The following KCTD8 variants were observed in gnomAD, a reference collection of about 807,000 sequenced individuals.
The protein encoded by KCTD8 is BTB/POZ domain-containing protein KCTD8.
KCTD8 carries 27 observed loss-of-function variants against 31.5 expected under a neutral mutation model. The ratio of observed to expected loss-of-function variants is 0.86; its 90% confidence interval spans 0.63 to 1.18. KCTD8 has a LOEUF of 1.18. Ranked by LOEUF, KCTD8 falls within the 50% of genes most tolerant of loss-of-function variation. The probability of loss-of-function intolerance (pLI) is 0.00; values close to 1 mark genes in which losing one functional copy is unlikely to be tolerated. For synonymous variants in KCTD8, 290 were observed against 280.0 expected (o/e 1.04, Z -0.36); for missense variants, 658 against 647.7 (o/e 1.02, Z -0.17).
intron 1 of KCTD8, among the ~76,000 whole-genome samples, chr4:44,261,224 G>C (rs1716151256): frequency 6.6e-6 from 1 of 151,922 alleles, no homozygotes. Context: ...AGGAGGAAGA[G>C]ATTTGGGAGG....
intron 1 of KCTD8, among the ~76,000 whole-genome samples, chr4:44,324,053 A>AC (rs200099790): frequency 0.056 from 8,144 of 144,966 alleles, 447 homozygotes; most frequent in Admixed American, 0.14. Context: ...TTAAAAAAAA[A>AC]AAAACAAAAC....
In KCTD8 at chr4:44,380,416, T is replaced by C. The variant is rs1273689112; in HGVS notation, c.961+67147A>G. Among the ~76,000 whole-genome samples the C allele has an allele frequency of 2.1e-5, 3 of 141,804 alleles. No individual in the cohort carries two copies. The East Asian group carries it at 6.1e-4, about 29-fold the overall frequency. The allele number at this position is 141,804 out of a possible 152,430, so 93.0% of individuals were successfully genotyped here. On this transcript the variant is annotated intron_variant, in intron 1 of 1. Transcript: ENST00000360029. ...CAATATTGGCAAGCGAGACTCCATC[T>C]CAAAAAAAAAAAAAAATCAGTATTG... is the stretch of plus-strand genomic sequence containing the variant.
rs1319312675 is a variant in KCTD8 at position 44,207,063 on chromosome 4, T to C, written c.962-31813A>G. ...ACCTAATACTTGGAGATGTCAAACG[T>C]CTTTGTTCTAACACTTGTGCTGTGA... On this transcript the variant is annotated intron_variant, in intron 1 of 1. Coordinates refer to ENST00000360029, the MANE Select transcript of KCTD8 (RefSeq NM_198353.3). 7.2e-5 allele frequency among the ~76,000 whole-genome samples: 11 copies of C among 152,206 alleles called. No homozygotes were observed. The East Asian group carries it at 1.9e-3, about 27-fold the overall frequency.
At chr4:44,443,735 A>G (rs778636198) in intron 1 of KCTD8, among the ~76,000 whole-genome samples, 7 of 150,542 alleles carry the variant, frequency 4.6e-5, no homozygotes, top group Non-Finnish European at 5.9e-5. Context: ...ATACATCAGC[A>G]CTATCTTTTC....
At chr4:44,428,081 G>C (rs951988589) in intron 1 of KCTD8, among the ~76,000 whole-genome samples, 3 of 151,574 alleles carry the variant, frequency 2.0e-5, no homozygotes, top group African/African-American at 7.3e-5. Flanking sequence ...AGACAGACCA[G>C]AGCACATGAA....
chr4:44,422,647 G>A (rs1470568665), intron 1 of KCTD8, among the ~76,000 whole-genome samples: 1 of 152,116 alleles, frequency 6.6e-6, no homozygotes, highest in Non-Finnish European at 1.5e-5. Context: ...GGTAGTTTCA[G>A]GGTATAGTAG....
intron 1 of KCTD8, among the ~76,000 whole-genome samples, chr4:44,323,882 C>G (rs1206715909): frequency 6.6e-6 from 1 of 151,688 alleles, no homozygotes; most frequent in East Asian, 1.9e-4. Flanking sequence ...CTCCAACAAG[C>G]AATAATGAGC....
At chr4:44,268,725 T>C (rs553426362) in intron 1 of KCTD8, among the ~76,000 whole-genome samples, 3 of 152,222 alleles carry the variant, frequency 2.0e-5, no homozygotes, top group Admixed American at 2.0e-4. Context: ...TGTACAAAAA[T>C]CACAAACGTT....
In KCTD8 at chr4:44,286,756, T is replaced by C. The variant is rs532903887; in HGVS notation, c.962-111506A>G. ...TCTGTGTTTTAAGAAAAAATAACTTTGCTCCTGGAAAGAGGATGGATGGTT... is the reference window on the plus strand; with the variant it reads ...TCTGTGTTTTAAGAAAAAATAACTTCGCTCCTGGAAAGAGGATGGATGGTT... On this transcript the variant is annotated intron_variant, in intron 1 of 1. Coordinates refer to ENST00000360029, the MANE Select transcript of KCTD8 (RefSeq NM_198353.3). Among the ~76,000 whole-genome samples the C allele has an allele frequency of 2.7e-4, 41 of 152,220 alleles. 1 individual carries two copies. The highest frequency in any genetic ancestry group is 8.9e-4 in the African/African-American group (37 of 41,560).
intron 1 of KCTD8, among the ~76,000 whole-genome samples, chr4:44,372,399 A>G (rs1009156217): frequency 6.6e-6 from 1 of 152,202 alleles, no homozygotes. Context: ...CTAAAGCTAC[A>G]CTGAGGGTAT....
intron 1 of KCTD8, among the ~76,000 whole-genome samples, chr4:44,275,732 T>C (rs374562938): frequency 2.4e-4 from 36 of 152,168 alleles, no homozygotes; most frequent in African/African-American, 7.7e-4. Flanking sequence ...TTCTAGGAAG[T>C]GGCACGCTGT....
chr4:44,264,423 T>C (rs1289751370), intron 1 of KCTD8, among the ~76,000 whole-genome samples: 1 of 152,064 alleles, frequency 6.6e-6, no homozygotes, highest in Non-Finnish European at 1.5e-5. Context: ...CTCATCAGAG[T>C]GTCAGCATTA....
chr4:44,447,821 T>G lies in KCTD8; in HGVS notation c.703A>C (p.Ile235Leu). 1 of 1,601,320 alleles carries G rather than the reference T, an allele frequency of 6.2e-7. No individual in the cohort carries two copies. Among genetic ancestry groups the G allele is most frequent in the East Asian group, 2.3e-5 (1 of 44,320 alleles). The part of the protein sequence containing the change: ...ADAKFRRVAR[I>L]MVCGRIALAK... Reference sequence around the variant, plus strand: ...AGCGCGATGCGCCCGCACACCATGATGCGCGCCACACGCCGGAATTTGGCG... The same window carrying G: ...AGCGCGATGCGCCCGCACACCATGAGGCGCGCCACACGCCGGAATTTGGCG... Residue 235 changes from isoleucine (I) to leucine (L), a missense_variant, in exon 1 of 2, where the codon ATC becomes CTC. By Grantham distance (5) the Ile-to-Leu change is conservative. Coordinates refer to ENST00000360029, the MANE Select transcript of KCTD8 (RefSeq NM_198353.3).
At chr4:44,334,733 G>A (rs776041570) in intron 1 of KCTD8, among the ~76,000 whole-genome samples, 4 of 151,924 alleles carry the variant, frequency 2.6e-5, no homozygotes, top group African/African-American at 4.8e-5. Flanking sequence ...GGTCACAAAG[G>A]AATAAAACAC....
intron 1 of KCTD8, among the ~76,000 whole-genome samples, chr4:44,266,936 A>G (rs1349953577): frequency 1.3e-5 from 2 of 151,856 alleles, no homozygotes; most frequent in African/African-American, 4.8e-5. Context: ...CTCCCACACA[A>G]TAATAATGGG....
chr4:44,376,458 C>G (rs529102140), intron 1 of KCTD8, among the ~76,000 whole-genome samples: 1 of 152,300 alleles, frequency 6.6e-6, no homozygotes, highest in East Asian at 1.9e-4. Context: ...GAGTAATGCA[C>G]TTTGAACCTG....
intron 1 of KCTD8, among the ~76,000 whole-genome samples, chr4:44,210,828 A>G (rs1392013418): frequency 2.6e-5 from 4 of 152,144 alleles, no homozygotes; most frequent in African/African-American, 9.7e-5. Context: ...TTTCTGCTTC[A>G]AGCTATAAGA....
rs749341260 is a variant in KCTD8, at chr4:44,447,836, G to C, written c.688C>G (p.Arg230Gly). The change falls in exon 1 of 2, where the codon CGG becomes GGG. Residue 230 changes from arginine to glycine, a missense_variant. Arg to Gly is a moderately radical substitution (Grantham distance 125). Transcript: ENST00000360029. ...CACACCATGATGCGCGCCACACGCCGGAATTTGGCGTCGGCCTGGTTGTCG... is the reference window on the plus strand; with the variant it reads ...CACACCATGATGCGCGCCACACGCCCGAATTTGGCGTCGGCCTGGTTGTCG... ...VRDNQADAKFRRVARIMVCGR... is the reference protein window; with the variant it reads ...VRDNQADAKFGRVARIMVCGR... 1.9e-6 allele frequency: 3 copies of C among 1,592,420 alleles called. No homozygotes were observed. In the African/African-American group the frequency reaches 4.0e-5, roughly 21 times the overall value.
In KCTD8 at chr4:44,303,525, C is replaced by A. The variant is rs115135605; in HGVS notation, c.962-128275G>T. ...TTTGCTTAGAGGTGTAATAAGAACT[C>A]TTAAATAAGGCCAGGCATGGTGGCT... On this transcript the variant is annotated intron_variant, in intron 1 of 1. Transcript: ENST00000360029. 5.6e-3 allele frequency among the ~76,000 whole-genome samples: 858 copies of A among 152,108 alleles called. 13 individuals are homozygous for A. The highest frequency in any genetic ancestry group is 0.02 in the African/African-American group (823 of 41,462).
Sources: gnomAD v4.1 joint callset for allele counts (sites outside exome capture counted in the v4.1 genomes callset) on GRCh38, gnomAD v4.1.1 for gene constraint, MANE v1.5 for transcripts, NCBI Gene and HGNC (gene_info 2026-07-23, HGNC 2026-07-21) for gene names.